Variants in MVB12B observed in about 807,000 individuals in gnomAD.
The protein encoded by MVB12B is ESCRT-I complex subunit MVB12B.
In MVB12B, 16 loss-of-function variants were observed where a neutral mutation model predicts 41.6. The observed-to-expected ratio is 0.38, with a 90% CI of 0.26 to 0.58. The LOEUF is 0.58. Among genes scored for constraint, MVB12B ranks in the 20% least tolerant of loss-of-function variants. The probability of loss-of-function intolerance (pLI) is 0.62; values close to 1 mark genes in which losing one functional copy is unlikely to be tolerated. For synonymous variants in MVB12B, 133 were observed against 139.7 expected (o/e 0.95, Z 0.34); for missense variants, 274 against 380.2 (o/e 0.72, Z 2.32).
chr9:126,491,939 A>G (rs543974900), intron 9 of MVB12B, among the ~76,000 whole-genome samples: 1 of 152,070 alleles, frequency 6.6e-6, no homozygotes, highest in African/African-American at 2.4e-5. Flanking sequence ...TCTTCCCATA[A>G]ATTGTTGAGG....
intron 2 of MVB12B, among the ~76,000 whole-genome samples, chr9:126,349,297 A>G (rs1005306094): frequency 1.3e-5 from 2 of 152,170 alleles, no homozygotes; most frequent in African/African-American, 2.4e-5. Flanking sequence ...GCAGATGGAG[A>G]TAAGAACTCA....
chr9:126,329,191 C>T (rs2118775985), intron 1 of MVB12B, among the ~76,000 whole-genome samples: 1 of 152,276 alleles, frequency 6.6e-6, no homozygotes, highest in South Asian at 2.1e-4. Flanking sequence ...TCCTGGACCC[C>T]AGGTGACCCT....
Position 126,392,283 on chromosome 9 carries a change from T to G in MVB12B, c.539+88T>G, listed in dbSNP as rs948926181. On this transcript the variant is annotated intron_variant, in intron 5 of 9. Transcript: ENST00000361171. This position sits in a 1 kb window ranked among gnomAD's most constrained non-coding sequence, Gnocchi z 4.8. ...GGCAATGAGGTCCAAGAGATTTCCATGCAGCCCCCCAGGCTCTCAGCCATG... is the reference window on the plus strand; with the variant it reads ...GGCAATGAGGTCCAAGAGATTTCCAGGCAGCCCCCCAGGCTCTCAGCCATG... 1.3e-5 allele frequency: 19 copies of G among 1,497,080 alleles called. No individual in the cohort carries two copies. The highest frequency in any genetic ancestry group is 1.7e-5 in the Non-Finnish European group (19 of 1,087,872). The allele number at this position is 1,497,080 out of a possible 1,614,324, so 92.7% of individuals were successfully genotyped here. A position where few individuals can be genotyped will look rare whatever the true frequency, so the allele number is the denominator to read the frequency against.
At position 126,503,258 on chromosome 9, in the gene MVB12B, TCCTGAGGAGCCAG is replaced by T. The variant is rs1437463694; in HGVS notation, c.957_*9del. 20 of 1,549,966 alleles carry T rather than the reference TCCTGAGGAGCCAG, an allele frequency of 1.3e-5. No homozygotes were observed. Among genetic ancestry groups the T allele is most frequent in the Non-Finnish European group, 1.7e-5 (20 of 1,146,762 alleles). On this transcript the variant is annotated stop_lost and 3_prime_UTR_variant, in exon 10 of 10. Transcript: ENST00000361171. ...CACCAGGTGTCAGCAGATCCCGCAG[TCCTGAGGAGCCAG>T]CGGCCACCTGCGGGGAGACCACCGC...
chr9:126,495,387 G>A (rs971268163), intron 9 of MVB12B, among the ~76,000 whole-genome samples: 2 of 152,190 alleles, frequency 1.3e-5, no homozygotes, highest in Non-Finnish European at 1.5e-5. Context: ...GTCTTTGTTC[G>A]TCATGCAGCC....
At chr9:126,334,604 C>A (rs2118796276) in intron 1 of MVB12B, among the ~76,000 whole-genome samples, 1 of 152,340 alleles carries the variant, frequency 6.6e-6, no homozygotes, top group East Asian at 1.9e-4. Context: ...GCTTTTGGGG[C>A]CTCCAGGATG....
chr9:126,425,682 G>A (rs1282557975), intron 7 of MVB12B, among the ~76,000 whole-genome samples: 3 of 152,316 alleles, frequency 2.0e-5, no homozygotes, highest in East Asian at 3.9e-4. Flanking sequence ...ATCACTGTCT[G>A]TAATTCCAGC....
chr9:126,366,576 T>G (rs1325888149), intron 2 of MVB12B, among the ~76,000 whole-genome samples: 1 of 152,248 alleles, frequency 6.6e-6, no homozygotes, highest in Non-Finnish European at 1.5e-5. Flanking sequence ...TCATATTTTC[T>G]TATTGTATTT....
rs1295221293 is a variant in MVB12B at position 126,459,028 on chromosome 9, A to G, written c.758-22341A>G. 6.6e-6 allele frequency among the ~76,000 whole-genome samples: 1 copy of G among 152,230 alleles called. No homozygotes were observed. Among genetic ancestry groups the G allele is most frequent in the East Asian group, 1.9e-4 (1 of 5,188 alleles). Reference sequence around the variant, plus strand: ...AGTGCTGAGAAAACTCACTAAGCCTATAGATTCAGATGACCAAGGATCTCT... The same window carrying G: ...AGTGCTGAGAAAACTCACTAAGCCTGTAGATTCAGATGACCAAGGATCTCT... On this transcript the variant is annotated intron_variant, in intron 7 of 9. Transcript: ENST00000361171. This position sits in a 1 kb window ranked among gnomAD's most constrained non-coding sequence, Gnocchi z 4.3.
intron 6 of MVB12B, among the ~76,000 whole-genome samples, chr9:126,401,741 C>T (rs1248094455): frequency 6.6e-6 from 1 of 152,270 alleles, no homozygotes; most frequent in African/African-American, 2.4e-5. Flanking sequence ...GCGTGCCACG[C>T]TCCGTCCTGG....
At chr9:126,385,128 C>T (rs984922147) in intron 3 of MVB12B, among the ~76,000 whole-genome samples, 1 of 152,134 alleles carries the variant, frequency 6.6e-6, no homozygotes, top group African/African-American at 2.4e-5. Flanking sequence ...TGAGCAACAG[C>T]GCCCGGCCTC....
intron 6 of MVB12B, among the ~76,000 whole-genome samples, chr9:126,419,721 G>T (rs949537637): frequency 6.6e-6 from 1 of 152,108 alleles, no homozygotes; most frequent in Non-Finnish European, 1.5e-5. Flanking sequence ...CCCTCGCAGG[G>T]TTCCCAGACC....
chr9:126,405,833 AATT>A lies in MVB12B; in HGVS notation c.662+10147_662+10149del, dbSNP rs556158660. On this transcript the variant is annotated intron_variant, in intron 6 of 9. Coordinates refer to ENST00000361171, the MANE Select transcript of MVB12B (RefSeq NM_033446.3). ...TTTCCAGTTGAATAATAATATTAAT[AATT>A]ATTATTATTAGAATAAATACAATTA... 8.0e-5 allele frequency among the ~76,000 whole-genome samples: 12 copies of A among 149,176 alleles called. No homozygotes were observed. The East Asian group carries it at 9.7e-4, about 12-fold the overall frequency.
intron 2 of MVB12B, among the ~76,000 whole-genome samples, chr9:126,343,033 T>C (rs1157545468): frequency 6.6e-6 from 1 of 152,212 alleles, no homozygotes; most frequent in African/African-American, 2.4e-5. Flanking sequence ...CTGGTGGCCC[T>C]GAGTAGCACA....
chr9:126,468,381 G>A lies in MVB12B; in HGVS notation c.758-12988G>A, dbSNP rs1298067121. ...TTGCCTCCCCTTGGCTGTGGCCCAA[G>A]CCCCTCAAACCAGACACATGCTCAG... On this transcript the variant is annotated intron_variant, in intron 7 of 9. Transcript: ENST00000361171. This position sits in a 1 kb window ranked among gnomAD's most constrained non-coding sequence, Gnocchi z 4.3. Among the ~76,000 whole-genome samples, 1 of 152,122 alleles carries A rather than the reference G, an allele frequency of 6.6e-6. No individual in the cohort carries two copies. The highest frequency in any genetic ancestry group is 1.5e-5 in the Non-Finnish European group (1 of 68,018).
chr9:126,380,949 G>C, intron 2 of MVB12B, 115 bp from the exon 3 acceptor site: 1 of 714,936 alleles, frequency 1.4e-6, no homozygotes, highest in Non-Finnish European at 2.4e-6. Context: ...CTAATGAGAT[G>C]CCGGGAGATC....
chr9:126,418,702 G>A (rs882750), intron 6 of MVB12B, among the ~76,000 whole-genome samples: 19,574 of 152,028 alleles, frequency 0.13, 1,699 homozygotes, highest in East Asian at 0.4. Context: ...GGCCACCCTG[G>A]CTTCCTCCTA....
chr9:126,410,827 G>A (rs372902744), intron 6 of MVB12B, among the ~76,000 whole-genome samples: 2 of 151,960 alleles, frequency 1.3e-5, no homozygotes, highest in African/African-American at 4.8e-5. Context: ...ACCTCCCAGG[G>A]CCTAACAGAG....
intron 7 of MVB12B, among the ~76,000 whole-genome samples, chr9:126,426,234 C>T (rs993964557): frequency 6.6e-6 from 1 of 152,256 alleles, no homozygotes; most frequent in Non-Finnish European, 1.5e-5. Flanking sequence ...GTCATCACTC[C>T]TAAGCCATGG....
Sources: gnomAD v4.1 joint callset for allele counts (sites outside exome capture counted in the v4.1 genomes callset) on GRCh38, gnomAD v4.1.1 for gene constraint, Gnocchi (gnomAD v3.1) non-coding constraint, MANE v1.5 for transcripts, NCBI Gene and HGNC (gene_info 2026-07-23, HGNC 2026-07-21) for gene names.